VTI1A: variants seen among roughly 807,000 people sequenced by gnomAD.
The protein encoded by VTI1A is vesicle transport through interaction with t-SNAREs 1A.
Under a neutral mutation model 34.9 loss-of-function variants are expected in VTI1A, and 22 were observed. The observed-to-expected ratio is 0.63, with a 90% CI of 0.45 to 0.90. The LOEUF (loss-of-function observed/expected upper bound fraction) is 0.90. Ranked by LOEUF, VTI1A falls within the 40% of genes least tolerant of loss-of-function variation. VTI1A has a pLI of 0.00. For missense variants in VTI1A, 268 were observed against 275.6 expected (o/e 0.97, Z 0.20); for synonymous variants, 87 against 97.3 (o/e 0.89, Z 0.62).
At chr10:112,566,363 G>A (rs143240266) in intron 5 of VTI1A, among the ~76,000 whole-genome samples, 2 of 152,072 alleles carry the variant, frequency 1.3e-5, no homozygotes, top group Non-Finnish European at 2.9e-5. Context: ...CAACTGCATT[G>A]CATTTAAACA....
At chr10:112,683,197 G>A (rs995993024) in intron 7 of VTI1A, among the ~76,000 whole-genome samples, 3 of 152,168 alleles carry the variant, frequency 2.0e-5, no homozygotes, top group African/African-American at 7.2e-5. Flanking sequence ...AAATCAAATA[G>A]TCTTTCCTTC....
intron 7 of VTI1A, among the ~76,000 whole-genome samples, chr10:112,807,369 T>G (rs997848491): frequency 6.6e-6 from 1 of 152,168 alleles, no homozygotes; most frequent in African/African-American, 2.4e-5. Context: ...AGGGCGATGC[T>G]CTCTCCAAAA....
At chr10:112,559,842 T>C (rs1164293837) in intron 5 of VTI1A, among the ~76,000 whole-genome samples, 1 of 152,106 alleles carries the variant, frequency 6.6e-6, no homozygotes, top group Non-Finnish European at 1.5e-5. Flanking sequence ...GGGTGTCTTA[T>C]GAGAAAAAAT....
the VTI1A span, among the ~76,000 whole-genome samples, chr10:112,834,461 C>T: frequency 2.0e-5 from 3 of 152,154 alleles, no homozygotes; most frequent in East Asian, 5.8e-4. Context: ...AAAGAGACAC[C>T]ATCCCTAACC....
At chr10:112,850,404 A>G in the VTI1A span, among the ~76,000 whole-genome samples, 62 of 151,832 alleles carry the variant, frequency 4.1e-4, no homozygotes, top group African/African-American at 1.4e-3. Flanking sequence ...CTAATTCAGA[A>G]CAAAGTGAAA....
At chr10:112,669,159 G>GT in intron 7 of VTI1A, 161 bp downstream of exon 7, 1 of 325,428 alleles carries the variant, frequency 3.1e-6, no homozygotes, top group Non-Finnish European at 4.4e-6. Context: ...GTTAACTCTT[G>GT]TTTGGACAGG....
chr10:112,722,359 G>A (rs898026906), intron 7 of VTI1A, among the ~76,000 whole-genome samples: 3 of 151,840 alleles, frequency 2.0e-5, no homozygotes, highest in African/African-American at 7.3e-5. Flanking sequence ...GGGACCTGTC[G>A]TTGGGTGGGG....
At chr10:112,667,314 A>G (rs1015364907) in intron 5 of VTI1A, among the ~76,000 whole-genome samples, 1 of 152,180 alleles carries the variant, frequency 6.6e-6, no homozygotes, top group Non-Finnish European at 1.5e-5. Context: ...TAAGAGAGGC[A>G]TCCTTCTAGT....
chr10:112,589,017 T>C (rs74158743), intron 5 of VTI1A, among the ~76,000 whole-genome samples: 1 of 123,360 alleles, frequency 8.1e-6, no homozygotes, highest in African/African-American at 3.2e-5. Flanking sequence ...TGACTCCTTG[T>C]CTTTTTTTTT....
At chr10:112,466,359 A>AT (rs1294570941) in intron 3 of VTI1A, among the ~76,000 whole-genome samples, 1 of 152,164 alleles carries the variant, frequency 6.6e-6, no homozygotes, top group Non-Finnish European at 1.5e-5. Flanking sequence ...TACTATCTTG[A>AT]TAAGTTGAGG....
chr10:112,697,460 T>C (rs1848836800), intron 7 of VTI1A, among the ~76,000 whole-genome samples: 1 of 150,866 alleles, frequency 6.6e-6, no homozygotes, highest in East Asian at 2.0e-4. Flanking sequence ...ACAATGGCGC[T>C]ATCTCAGCTC....
chr10:112,721,972 C>T (rs1849824279), intron 7 of VTI1A, among the ~76,000 whole-genome samples: 1 of 151,988 alleles, frequency 6.6e-6, no homozygotes, highest in African/African-American at 2.4e-5. Context: ...TTAGATGGCA[C>T]CTAAGAGCCC....
chr10:112,488,159 A>G (rs750392779), intron 3 of VTI1A, among the ~76,000 whole-genome samples: 1 of 152,206 alleles, frequency 6.6e-6, no homozygotes, highest in South Asian at 2.1e-4. Context: ...TGTTTGTACT[A>G]TCAGGTACTA....
chr10:112,798,012 G>A (rs989046133), intron 7 of VTI1A, among the ~76,000 whole-genome samples: 1 of 151,474 alleles, frequency 6.6e-6, no homozygotes, highest in Non-Finnish European at 1.5e-5. Context: ...CTTTGTCGTG[G>A]GACCTCTTCG....
intron 5 of VTI1A, among the ~76,000 whole-genome samples, chr10:112,636,728 CAAAAA>C (rs10667914): frequency 1.8e-5 from 2 of 111,696 alleles, no homozygotes; most frequent in Non-Finnish European, 3.5e-5. Flanking sequence ...GACTCGATCT[CAAAAA>C]AAAAAAAAAA....
chr10:112,527,670 AC>A (rs1417678691), intron 4 of VTI1A, among the ~76,000 whole-genome samples: 2 of 151,416 alleles, frequency 1.3e-5, no homozygotes, highest in Non-Finnish European at 2.9e-5. Context: ...GAACTTGGAT[AC>A]CCATACAGAG....
At chr10:112,710,269 A>G (rs1045744863) in intron 7 of VTI1A, among the ~76,000 whole-genome samples, 3 of 143,914 alleles carry the variant, frequency 2.1e-5, no homozygotes, top group Non-Finnish European at 4.5e-5. Flanking sequence ...GTGCATTGGC[A>G]TGCTCTCAGC....
At chr10:112,780,898 A>T (rs1439602432) in intron 7 of VTI1A, among the ~76,000 whole-genome samples, 1 of 152,092 alleles carries the variant, frequency 6.6e-6, no homozygotes, top group African/African-American at 2.4e-5. Context: ...ACCTGCCTGG[A>T]ATCCCTTTCT....
At chr10:112,484,267 G>C (rs1157179988) in intron 3 of VTI1A, among the ~76,000 whole-genome samples, 2 of 152,206 alleles carry the variant, frequency 1.3e-5, no homozygotes, top group East Asian at 3.8e-4. Context: ...GCTTTCTAAG[G>C]TCAGTAAGCA....
Sources: gnomAD v4.1 joint callset for allele counts (sites outside exome capture counted in the v4.1 genomes callset) on GRCh38, gnomAD v4.1.1 for gene constraint, MANE v1.5 for transcripts, NCBI Gene and HGNC (gene_info 2026-07-23, HGNC 2026-07-21) for gene names.